BAZ2B: variants seen among roughly 807,000 people sequenced by gnomAD.
BAZ2B encodes bromodomain adjacent to zinc finger domain protein 2B.
A neutral mutation model predicts 246.0 loss-of-function variants in BAZ2B; 91 were observed. The ratio of observed to expected loss-of-function variants is 0.37; its 90% CI spans 0.31 to 0.44. The LOEUF (loss-of-function observed/expected upper bound fraction) is 0.44, where lower values mean the gene tolerates loss of function less well. BAZ2B is among the 20% of genes least tolerant of loss of function. The pLI, the probability that BAZ2B is intolerant of heterozygous loss-of-function variation, is 1.00. For synonymous variants in BAZ2B, 855 were observed against 860.0 expected, an observed-to-expected ratio of 0.99 and a Z score of 0.10; for missense variants, 2,332 against 2,533.7, an observed-to-expected ratio of 0.92 and a Z score of 1.71.
At chr2:159,630,377 A>T in the BAZ2B span, among the ~76,000 whole-genome samples, 1 of 152,200 alleles carries the variant, frequency 6.6e-6, no homozygotes. Flanking sequence ...CAAAAAAATA[A>T]ATGAACTTAC....
At chr2:159,591,896 C>G (rs772164509) in intron 1 of BAZ2B, among the ~76,000 whole-genome samples, 4 of 152,076 alleles carry the variant, frequency 2.6e-5, no homozygotes, top group Non-Finnish European at 4.4e-5. Flanking sequence ...TTAAGCTAAG[C>G]AAAGCAGCTA....
intron 7 of BAZ2B, 49 bp downstream of exon 7, chr2:159,438,960 T>C (rs1214770040): frequency 6.4e-7 from 1 of 1,560,722 alleles, no homozygotes; most frequent in East Asian, 2.2e-5. Context: ...AACCAGTTAA[T>C]TCCTAAATAT....
chr2:159,483,426 T>C (rs1391824031), intron 2 of BAZ2B, among the ~76,000 whole-genome samples: 2 of 152,178 alleles, frequency 1.3e-5, no homozygotes, highest in Non-Finnish European at 2.9e-5. Flanking sequence ...TCTTGAATTC[T>C]TGAGTTCAAA....
At chr2:159,431,240 G>A (rs756290199) in intron 9 of BAZ2B, 84 bp from the exon 10 acceptor site, 3 of 1,487,652 alleles carry the variant, frequency 2.0e-6, no homozygotes, top group Non-Finnish European at 2.7e-6. Flanking sequence ...ACTAGCTCAG[G>A]AACCAGCACC....
At chr2:159,661,312 T>C in the BAZ2B span, among the ~76,000 whole-genome samples, 3 of 152,248 alleles carry the variant, frequency 2.0e-5, no homozygotes, top group Non-Finnish European at 4.4e-5. Context: ...ATTGTATGGA[T>C]ATACTACAGT....
upstream of BAZ2B, among the ~76,000 whole-genome samples, chr2:159,617,251 C>A (rs191406522): frequency 1.3e-5 from 2 of 152,076 alleles, no homozygotes; most frequent in Non-Finnish European, 2.9e-5. Flanking sequence ...CTTTAAACTA[C>A]AAATGCAGTC....
the BAZ2B span, among the ~76,000 whole-genome samples, chr2:159,627,308 C>G: frequency 6.6e-6 from 1 of 151,594 alleles, no homozygotes; most frequent in African/African-American, 2.4e-5. Context: ...GGAATCCTCC[C>G]TCTTTTTATG....
At position 159,389,496 on chromosome 2, in the gene BAZ2B, AAAC is replaced by A. The variant is rs2063067313; in HGVS notation, c.3076-14_3076-12del. Reference sequence around the variant, plus strand: ...CAACCGCTCTTTTTCCTTAAAAAGAAAACCATGTACACATATTCTTCTTAATCA... The same window carrying A: ...CAACCGCTCTTTTTCCTTAAAAAGAACATGTACACATATTCTTCTTAATCA... On this transcript the variant is annotated splice_polypyrimidine_tract_variant and intron_variant, in intron 20 of 36. Transcript: ENST00000392783. 2 of 1,590,672 alleles carry A rather than the reference AAAC, an allele frequency of 1.3e-6. No individual in the cohort carries two copies. Among genetic ancestry groups the A allele is most frequent in the Non-Finnish European group, 1.7e-6 (2 of 1,168,406 alleles).
At chr2:159,646,524 A>T in the BAZ2B span, among the ~76,000 whole-genome samples, 2 of 152,216 alleles carry the variant, frequency 1.3e-5, no homozygotes, top group South Asian at 4.1e-4. Flanking sequence ...AAGGGTATTA[A>T]TTGGGGAAGT....
chr2:159,597,212 C>T (rs368650564), intron 1 of BAZ2B, among the ~76,000 whole-genome samples: 1 of 152,182 alleles, frequency 6.6e-6, no homozygotes, highest in African/African-American at 2.4e-5. Context: ...ATTGTCTACT[C>T]ATGTCCTTAG....
At chr2:159,604,393 T>C (rs1365676997) in intron 1 of BAZ2B, among the ~76,000 whole-genome samples, 1 of 152,044 alleles carries the variant, frequency 6.6e-6, no homozygotes, top group Non-Finnish European at 1.5e-5. Context: ...CAGGTGTGAA[T>C]CATCATGCCC....
chr2:159,478,254 G>GTGTC (rs2150921776), intron 3 of BAZ2B, among the ~76,000 whole-genome samples: 1 of 152,304 alleles, frequency 6.6e-6, no homozygotes, highest in East Asian at 1.9e-4. Context: ...CTAGGGCAAA[G>GTGTC]TGTCTACCAA....
chr2:159,376,208 G>A lies in BAZ2B; in HGVS notation c.4006-1455C>T, dbSNP rs193290365. On this transcript the variant is annotated intron_variant, in intron 25 of 36. Transcript: ENST00000392783. ...ACCTACTACATGAAGGTTTTGTGAG[G>A]ACTAAGTAAGAACAGATCTGAAAGT... Among the ~76,000 whole-genome samples, 54 of 152,210 alleles carry A rather than the reference G, an allele frequency of 3.5e-4. 1 individual carries two copies. The East Asian group carries it at 8.1e-3, about 23-fold the overall frequency.
the BAZ2B span, among the ~76,000 whole-genome samples, chr2:159,665,164 AAGG>A: frequency 9.4e-6 from 1 of 106,688 alleles, no homozygotes; most frequent in Non-Finnish European, 1.9e-5. Flanking sequence ...GGACCTCTTC[AAGG>A]AGAACTACAA....
the BAZ2B span, among the ~76,000 whole-genome samples, chr2:159,676,773 T>C: frequency 1.3e-5 from 2 of 151,798 alleles, no homozygotes; most frequent in African/African-American, 2.4e-5. Flanking sequence ...TAGGGAGTTA[T>C]GGCTAAATGG....
rs749736275 is a variant in BAZ2B, at chr2:159,349,810, C to G, written c.4761G>C (p.Gln1587His). 3.1e-6 allele frequency: 5 copies of G among 1,614,110 alleles called. No individual in the cohort carries two copies. The Admixed American group carries it at 8.3e-5, about 27-fold the overall frequency. Residue 1587 changes from glutamine (Q) to histidine (H), a missense_variant, in exon 28 of 37, where the codon CAG becomes CAC. By Grantham distance (24) the Gln-to-His change is conservative (BLOSUM62 0). This residue lies in a region of BAZ2B where 676 missense variants were observed against 668.6 expected (regional missense o/e 1.01). Coordinates refer to ENST00000392783, the MANE Select transcript of BAZ2B (RefSeq NM_013450.4). ...DMSTASLVTP[Q>H]SQPPSKSPSP... is the part of the protein sequence containing the mutation. ...AAGGTGACTTAGATGGTGGCTGAGACTGAGGAGTCACCAAAGAAGCAGTTG... is the reference window on the plus strand; with the variant it reads ...AAGGTGACTTAGATGGTGGCTGAGAGTGAGGAGTCACCAAAGAAGCAGTTG...
intron 27 of BAZ2B, among the ~76,000 whole-genome samples, chr2:159,354,215 A>C (rs1346673024): frequency 2.0e-5 from 3 of 152,152 alleles, no homozygotes; most frequent in African/African-American, 7.2e-5. Context: ...AAACACACCT[A>C]TTTTTACTAG....
intron 1 of BAZ2B, among the ~76,000 whole-genome samples, chr2:159,605,961 A>T (rs964935737): frequency 6.6e-6 from 1 of 152,160 alleles, no homozygotes; most frequent in Non-Finnish European, 1.5e-5. Context: ...AAGTTATTAC[A>T]TGTTCTCTTC....
chr2:159,394,008 G>T (rs541098284), intron 20 of BAZ2B, among the ~76,000 whole-genome samples: 15 of 152,072 alleles, frequency 9.9e-5, no homozygotes, highest in Admixed American at 3.9e-4. Flanking sequence ...TATTTTACTG[G>T]ATCTTCTCTT....
Sources: gnomAD v4.1 joint callset for allele counts (sites outside exome capture counted in the v4.1 genomes callset) on GRCh38, gnomAD v4.1.1 for gene constraint, gnomAD v4.1.1 regional missense constraint, MANE v1.5 for transcripts, NCBI Gene and HGNC (gene_info 2026-07-23, HGNC 2026-07-21) for gene names.